Variants in ANAPC1 observed in about 807,000 individuals in gnomAD.
ANAPC1 encodes anaphase-promoting complex subunit 1.
In ANAPC1, 36 loss-of-function variants were observed where a neutral mutation model predicts 208.0. That is an observed-to-expected ratio of 0.17 (90% CI 0.13 to 0.23). The LOEUF (loss-of-function observed/expected upper bound fraction) is 0.23. Among genes scored for constraint, ANAPC1 ranks in the 10% least tolerant of loss-of-function variants. ANAPC1 has a pLI of 1.00. For missense variants in ANAPC1, 942 were observed against 2,011.6 expected, an observed-to-expected ratio of 0.47 and a Z score of 10.17; for synonymous variants, 378 against 695.2, an observed-to-expected ratio of 0.54 and a Z score of 7.18.
chr2:111,825,304 C>G, intron 22 of ANAPC1, 137 bp from the exon 23 acceptor site: 1 of 1,292,446 alleles, frequency 7.7e-7, no homozygotes, highest in Non-Finnish European at 1.1e-6. Context: ...AATACTGTGG[C>G]AGGCTGAAAA....
At chr2:111,848,403 G>C (rs1681207980) in intron 14 of ANAPC1, among the ~76,000 whole-genome samples, 1 of 150,526 alleles carries the variant, frequency 6.6e-6, no homozygotes, top group Non-Finnish European at 1.5e-5. Context: ...ATATGGAAAG[G>C]CTGACAATAT....
At chr2:111,853,095 T>C in intron 13 of ANAPC1, among the ~76,000 whole-genome samples, 1 of 152,224 alleles carries the variant, frequency 6.6e-6, no homozygotes, top group East Asian at 1.9e-4. Context: ...GGTGCCTTCT[T>C]GGTGATTTGG....
chr2:111,830,221 A>T (rs1429666900), intron 21 of ANAPC1, among the ~76,000 whole-genome samples: 1 of 152,266 alleles, frequency 6.6e-6, no homozygotes, highest in African/African-American at 2.4e-5. Flanking sequence ...TAGAAAGTCC[A>T]GAAACAGACA....
In ANAPC1 at chr2:111,834,652, A is replaced by G. The variant is rs754096349; in HGVS notation, c.2336T>C (p.Met779Thr). 5.6e-6 allele frequency: 9 copies of G among 1,612,856 alleles called. No individual in the cohort carries two copies. In the South Asian group the frequency reaches 9.9e-5, roughly 18 times the overall value. Residue 779 changes from methionine to threonine, a missense_variant, in exon 19 of 48, where the codon ATG (methionine) becomes ACG (threonine). Transcript: ENST00000341068. ...VYEELKLNTL[M>T]GEGICSLVEL... is the part of the protein sequence containing the mutation. ...AACAAGTGAACAAATTCCTTCTCCC[A>G]TTAGAGTATTCAACTTAAGCTCCTC...
intron 41 of ANAPC1, 112 bp from the exon 42 acceptor site, chr2:111,784,076 G>A (rs1677427747): frequency 7.3e-6 from 7 of 957,660 alleles, no homozygotes; most frequent in Admixed American, 2.3e-5. Flanking sequence ...ACAGGCATCT[G>A]GAAGTTAACA....
intron 2 of ANAPC1, 48 bp from the exon 3 acceptor site, chr2:111,879,019 T>A (rs749800564): frequency 3.8e-6 from 6 of 1,559,152 alleles, no homozygotes; most frequent in Non-Finnish European, 5.2e-6. Context: ...CTTTTTTTGT[T>A]CTTCAAAAAT....
intron 43 of ANAPC1, among the ~76,000 whole-genome samples, chr2:111,781,912 A>ATT (rs1274737071): frequency 6.6e-6 from 1 of 152,298 alleles, no homozygotes; most frequent in East Asian, 1.9e-4. Flanking sequence ...AAGCAAACTA[A>ATT]TAAAAGAAGT....
chr2:111,788,688 T>C (rs1425583476), intron 38 of ANAPC1, among the ~76,000 whole-genome samples: 2 of 151,116 alleles, frequency 1.3e-5, no homozygotes, highest in Non-Finnish European at 2.9e-5. Context: ...TATATGCCTA[T>C]GTATATGCCT....
At chr2:111,825,435 A>T (rs750238379) in intron 22 of ANAPC1, among the ~76,000 whole-genome samples, 2 of 152,204 alleles carry the variant, frequency 1.3e-5, no homozygotes, top group African/African-American at 4.8e-5. Flanking sequence ...GTTTCACATC[A>T]GAGAATACTG....
chr2:111,788,998 C>T (rs1177974744), intron 38 of ANAPC1, among the ~76,000 whole-genome samples: 10 of 152,272 alleles, frequency 6.6e-5, no homozygotes, highest in Non-Finnish European at 1.5e-4. Flanking sequence ...ATTAGCCGGG[C>T]GCCGTGGCGG....
chr2:111,831,682 C>T (rs545384863), intron 20 of ANAPC1, among the ~76,000 whole-genome samples: 2 of 149,970 alleles, frequency 1.3e-5, no homozygotes, highest in Non-Finnish European at 1.5e-5. Context: ...ACTAAAAATA[C>T]AAAAAAAAAT....
In ANAPC1 at chr2:111,873,655, A is replaced by G. The variant is rs768902527; in HGVS notation, c.385T>C (p.Cys129Arg). ...TTATCCTGTGATATAATGAAGTCAC[A>G]CCACAATGCCTAAAATCAAAACAAA... Reference protein sequence around the residue: ...VDSPVQQALWCDFIISQDKSE... With the variant: ...VDSPVQQALWRDFIISQDKSE... The change falls in exon 4 of 48, where the codon TGT becomes CGT. Residue 129 changes from cysteine to arginine, a missense_variant. Coordinates refer to ENST00000341068, the MANE Select transcript of ANAPC1 (RefSeq NM_022662.4). 2 of 1,588,164 alleles carry G rather than the reference A, an allele frequency of 1.3e-6. No individual in the cohort carries two copies. Among genetic ancestry groups the G allele is most frequent in the South Asian group, 1.2e-5 (1 of 83,706 alleles).
At chr2:111,856,382 T>G in intron 13 of ANAPC1, 1 of 499,116 alleles carries the variant, frequency 2.0e-6, no homozygotes, top group Non-Finnish European at 3.7e-6. Context: ...AGGTTTCCCA[T>G]CTGTGACAGG....
chr2:111,879,469 T>C (rs1297522970), intron 2 of ANAPC1, among the ~76,000 whole-genome samples: 12 of 152,150 alleles, frequency 7.9e-5, no homozygotes, highest in South Asian at 2.1e-4. Flanking sequence ...TGTAACTACA[T>C]AGGCTTTCCC....
At chr2:111,875,282 A>C (rs573460308) in intron 3 of ANAPC1, among the ~76,000 whole-genome samples, 1 of 152,162 alleles carries the variant, frequency 6.6e-6, no homozygotes, top group Non-Finnish European at 1.5e-5. Flanking sequence ...TTTATTGTTG[A>C]GTTGTGGGAG....
rs770047304 is a variant in ANAPC1 at position 111,850,901 on chromosome 2, C to A, written c.1525G>T (p.Val509Phe). ...GGAGCTGGCAGTCCAGGAATAAAAA[C>A]CTTTCCCACCTTTAAGCAATAAAAA... ...LYTGVVRVGK[V>F]FIPGLPAPSL... is the part of the protein sequence containing the mutation. The change falls in exon 14 of 48, where the codon GTT becomes TTT. Residue 509 changes from valine (V) to phenylalanine (F), a missense_variant. Transcript: ENST00000341068. 11 of 1,595,584 alleles carry A rather than the reference C, an allele frequency of 6.9e-6. No individual in the cohort carries two copies. Among genetic ancestry groups the A allele is most frequent in the Admixed American group, 1.8e-5 (1 of 54,686 alleles).
chr2:111,831,279 T>C lies in ANAPC1; in HGVS notation c.2625+7A>G, dbSNP rs763865032. 6 of 1,597,866 alleles carry C rather than the reference T, an allele frequency of 3.8e-6. No homozygotes were observed. The highest frequency in any genetic ancestry group is 5.1e-6 in the Non-Finnish European group (6 of 1,176,028). ...AGGAGATAGGTAGTAACACTCCACATACATACCAAGACTACAAGTCTGCTT... is the reference window on the plus strand; with the variant it reads ...AGGAGATAGGTAGTAACACTCCACACACATACCAAGACTACAAGTCTGCTT... On this transcript the variant is annotated splice_region_variant and intron_variant, in intron 21 of 47. Coordinates refer to ENST00000341068, the MANE Select transcript of ANAPC1 (RefSeq NM_022662.4).
At chr2:111,801,369 A>AAC in intron 33 of ANAPC1, among the ~76,000 whole-genome samples, 1 of 147,256 alleles carries the variant, frequency 6.8e-6, no homozygotes, top group Middle Eastern at 3.5e-3. Context: ...AAAAAAAAAA[A>AAC]AAAGAAAAAG....
chr2:111,768,272 C>T lies in ANAPC1; in HGVS notation c.*1019G>A, dbSNP rs1676538801. On this transcript the variant is annotated 3_prime_UTR_variant, in exon 48 of 48. Coordinates refer to ENST00000341068, the MANE Select transcript of ANAPC1 (RefSeq NM_022662.4). ...AGAAATCCCTCCTTTTATAGACATA[C>T]ATTCTGTAAATCTTAGGTAAATATG... The T allele has an allele frequency of 6.6e-6, 1 of 152,154 alleles. No homozygotes were observed. Among genetic ancestry groups the T allele is most frequent in the Non-Finnish European group, 1.5e-5 (1 of 68,028 alleles). The allele number at this position is 152,154 out of a possible 1,614,324, so 9.4% of individuals were successfully genotyped here.
Sources: gnomAD v4.1 joint callset for allele counts (sites outside exome capture counted in the v4.1 genomes callset) on GRCh38, gnomAD v4.1.1 for gene constraint, MANE v1.5 for transcripts, NCBI Gene and HGNC (gene_info 2026-07-23, HGNC 2026-07-21) for gene names.